Variants in CSMD1 observed in about 807,000 individuals in gnomAD.
The protein encoded by CSMD1 is CUB and sushi domain-containing protein 1.
Under a neutral mutation model 417.5 loss-of-function variants are expected in CSMD1, and 213 were observed. The ratio of observed to expected loss-of-function variants is 0.51; its 90% CI spans 0.46 to 0.57. The LOEUF is 0.57. Ranked by LOEUF, CSMD1 falls within the 20% of genes least tolerant of loss-of-function variation. The pLI is 0.00. For missense variants in CSMD1, 6,923 were observed against 4,529.7 expected (o/e 1.53, Z -15.17); for synonymous variants, 2,862 against 1,736.8 (o/e 1.65, Z -16.11).
chr8:4,924,732 A>AC (rs1471247655), intron 1 of CSMD1, among the ~76,000 whole-genome samples: 1 of 151,486 alleles, frequency 6.6e-6, no homozygotes, highest in East Asian at 1.9e-4. Context: ...CAAAAAAAAA[A>AC]AAAAAAAAAA....
chr8:4,440,047 T>C (rs372416132), intron 2 of CSMD1, among the ~76,000 whole-genome samples: 27 of 152,154 alleles, frequency 1.8e-4, no homozygotes, highest in East Asian at 1.3e-3. Context: ...ATATCTAAAA[T>C]AGCAGTGATC....
chr8:4,273,313 A>G (rs900485704), intron 3 of CSMD1, among the ~76,000 whole-genome samples: 39 of 152,158 alleles, frequency 2.6e-4, no homozygotes, highest in African/African-American at 8.9e-4. Flanking sequence ...TTCCAGTTTT[A>G]TGTCAAAAGT....
chr8:4,296,074 G>A (rs1187510427), intron 3 of CSMD1, among the ~76,000 whole-genome samples: 1 of 151,992 alleles, frequency 6.6e-6, no homozygotes, highest in Non-Finnish European at 1.5e-5. Context: ...TTAAAATGAT[G>A]TGCTCTCTGT....
intron 10 of CSMD1, among the ~76,000 whole-genome samples, chr8:3,497,367 T>C (rs1406312462): frequency 6.6e-6 from 1 of 152,106 alleles, no homozygotes; most frequent in Non-Finnish European, 1.5e-5. Flanking sequence ...ACATTATTTT[T>C]GTCTTTGTCT....
At chr8:3,871,208 A>G (rs1400742528) in intron 5 of CSMD1, among the ~76,000 whole-genome samples, 1 of 152,092 alleles carries the variant, frequency 6.6e-6, no homozygotes, top group Non-Finnish European at 1.5e-5. Context: ...TACAATGTGT[A>G]CCAAGGAACT....
chr8:4,945,971 G>C (rs1478192112), intron 1 of CSMD1, among the ~76,000 whole-genome samples: 1 of 152,126 alleles, frequency 6.6e-6, no homozygotes, highest in African/African-American at 2.4e-5. Flanking sequence ...ACATATCAGA[G>C]GCTCCAGAAG....
At chr8:3,746,776 C>T (rs568148564) in intron 6 of CSMD1, among the ~76,000 whole-genome samples, 22 of 152,238 alleles carry the variant, frequency 1.4e-4, no homozygotes, top group African/African-American at 5.3e-4. Context: ...TGAACTTTTA[C>T]ATTTATGACT....
chr8:3,648,427 A>C (rs1178734355), intron 7 of CSMD1, among the ~76,000 whole-genome samples: 1 of 152,218 alleles, frequency 6.6e-6, no homozygotes, highest in Non-Finnish European at 1.5e-5. Context: ...TGCAACTCAA[A>C]TTGAGATTTT....
chr8:3,789,589 T>A lies in CSMD1; in HGVS notation c.819-35547A>T, dbSNP rs570707252. Among the ~76,000 whole-genome samples, 5 of 152,006 alleles carry A rather than the reference T, an allele frequency of 3.3e-5. No individual in the cohort carries two copies. In the South Asian group the frequency reaches 1.0e-3, roughly 32 times the overall value. ...ACTCACTTGCTAAATAAAGCTTATA[T>A]GACTAGAGATACTGAATAATTCTTT... On this transcript the variant is annotated intron_variant, in intron 5 of 69. Transcript: ENST00000635120.
intron 3 of CSMD1, among the ~76,000 whole-genome samples, chr8:4,407,370 ACT>A (rs571910811): frequency 9.3e-4 from 142 of 152,244 alleles, no homozygotes; most frequent in African/African-American, 3.2e-3. Flanking sequence ...TTTTACTATG[ACT>A]CTTGTTTAAC....
intron 1 of CSMD1, among the ~76,000 whole-genome samples, chr8:4,801,807 C>T (rs917549381): frequency 7.2e-5 from 11 of 152,126 alleles, no homozygotes; most frequent in African/African-American, 2.4e-4. Context: ...GAAATGAATA[C>T]AGCTACTCTT....
At chr8:3,564,986 G>T (rs528371545) in intron 10 of CSMD1, among the ~76,000 whole-genome samples, 1 of 140,946 alleles carries the variant, frequency 7.1e-6, no homozygotes, top group Non-Finnish European at 1.5e-5. Context: ...AGGAATGCTG[G>T]GCTTAATACC....
chr8:3,662,576 A>G (rs971548573), intron 7 of CSMD1, among the ~76,000 whole-genome samples: 13 of 152,248 alleles, frequency 8.5e-5, no homozygotes, highest in Admixed American at 2.6e-4. Flanking sequence ...TCGCTAGGTC[A>G]AATGGTGTTT....
intron 5 of CSMD1, among the ~76,000 whole-genome samples, chr8:3,983,701 T>C (rs910356154): frequency 6.6e-5 from 10 of 152,248 alleles, no homozygotes; most frequent in Non-Finnish European, 1.0e-4. Context: ...ATCCCATGGA[T>C]TGGGGGCCAT....
intron 2 of CSMD1, among the ~76,000 whole-genome samples, chr8:4,537,810 T>C (rs910161829): frequency 6.6e-5 from 10 of 152,306 alleles, no homozygotes; most frequent in Admixed American, 1.3e-4. Context: ...GCCGTGTTTA[T>C]CCAACAGAGC....
chr8:4,339,427 T>G (rs1233663329), intron 3 of CSMD1, among the ~76,000 whole-genome samples: 1 of 152,092 alleles, frequency 6.6e-6, no homozygotes, highest in African/African-American at 2.4e-5. Flanking sequence ...TTCATGTAAA[T>G]GAGAGGCTGG....
chr8:3,164,177 G>A (rs564037187), intron 37 of CSMD1, among the ~76,000 whole-genome samples: 1 of 152,236 alleles, frequency 6.6e-6, no homozygotes, highest in Middle Eastern at 3.4e-3. Flanking sequence ...CCCATGCTAC[G>A]GAATCCAGGT....
intron 7 of CSMD1, among the ~76,000 whole-genome samples, chr8:3,651,663 G>A (rs114703462): frequency 1.7e-3 from 258 of 152,146 alleles, no homozygotes; most frequent in Non-Finnish European, 1.8e-3. Flanking sequence ...CAGCAATAGC[G>A]TGCTTACTAT....
intron 5 of CSMD1, among the ~76,000 whole-genome samples, chr8:3,845,533 A>T (rs1803447535): frequency 6.6e-6 from 1 of 152,300 alleles, no homozygotes; most frequent in Middle Eastern, 3.4e-3. Flanking sequence ...AGCTTGCAGG[A>T]CCAGAAGTTG....
Sources: gnomAD v4.1 joint callset for allele counts (sites outside exome capture counted in the v4.1 genomes callset) on GRCh38, gnomAD v4.1.1 for gene constraint, MANE v1.5 for transcripts, NCBI Gene and HGNC (gene_info 2026-07-23, HGNC 2026-07-21) for gene names.